The following RLN2 variants were observed in gnomAD, a reference collection of about 807,000 sequenced individuals.
The protein encoded by RLN2 is prorelaxin H2.
In RLN2, 10 loss-of-function variants were observed where a neutral mutation model predicts 7.3. The observed-to-expected ratio is 1.36, with a 90% CI of 0.84 to 2.31. The LOEUF (loss-of-function observed/expected upper bound fraction) is 2.31, where lower values mean the gene tolerates loss of function less well. Among genes scored for constraint, RLN2 ranks in the 30% most tolerant of loss-of-function variants. The pLI is 0.00. For synonymous variants in RLN2, 103 were observed against 82.3 expected, an observed-to-expected ratio of 1.25 and a Z score of -1.36; for missense variants, 298 against 217.6, an observed-to-expected ratio of 1.37 and a Z score of -2.32.
At chr9:5,305,160 CTT>C, upstream of RLN2, among the ~76,000 whole-genome samples, 4 of 151,976 alleles carry the variant, frequency 2.6e-5, no homozygotes, top group East Asian at 5.8e-4. Context: ...AAACTGATGA[CTT>C]TTAATCTGAA....
At chr9:5,317,302 C>T in the RLN2 span, among the ~76,000 whole-genome samples, 7 of 151,690 alleles carry the variant, frequency 4.6e-5, no homozygotes, top group African/African-American at 1.5e-4. Flanking sequence ...GATTCAACTA[C>T]GTGCAGCTTA....
At chr9:5,328,907 T>G in the RLN2 span, among the ~76,000 whole-genome samples, 1 of 152,038 alleles carries the variant, frequency 6.6e-6, no homozygotes. Context: ...CCATCAGGGC[T>G]GCCTTACGAG....
intron 1 of RLN2, among the ~76,000 whole-genome samples, chr9:5,301,053 A>C (rs1382382777): frequency 6.6e-6 from 1 of 152,240 alleles, no homozygotes; most frequent in Non-Finnish European, 1.5e-5. Flanking sequence ...ATTTACTCCA[A>C]AACAATAGTA....
At chr9:5,327,280 C>G in the RLN2 span, among the ~76,000 whole-genome samples, 2 of 152,040 alleles carry the variant, frequency 1.3e-5, no homozygotes, top group Non-Finnish European at 2.9e-5. Flanking sequence ...GCCCAAGGAG[C>G]CTTGCTCACT....
upstream of RLN2, among the ~76,000 whole-genome samples, chr9:5,307,278 TAGATAGATAG>T (rs1563738042): frequency 1.8e-5 from 1 of 56,604 alleles, no homozygotes; most frequent in Non-Finnish European, 3.5e-5. Flanking sequence ...AGAGGATAGA[TAGATAGATAG>T]ATAGATAGAT....
chr9:5,300,665 G>A (rs1816101269), intron 1 of RLN2, among the ~76,000 whole-genome samples: 1 of 152,070 alleles, frequency 6.6e-6, no homozygotes, highest in African/African-American at 2.4e-5. Context: ...TACCCCATTG[G>A]TCCTCTCTCG....
intron 1 of RLN2, chr9:5,303,977 G>A: frequency 6.0e-6 from 1 of 167,988 alleles, no homozygotes; most frequent in East Asian, 1.5e-4. Flanking sequence ...CCCGCTGTCT[G>A]GCCGCCTGGC....
At chr9:5,311,750 G>C in the RLN2 span, 1 of 937,242 alleles carries the variant, frequency 1.1e-6, no homozygotes, top group Non-Finnish European at 1.7e-6. Flanking sequence ...TATACTTCTG[G>C]TGACTGTAGA....
chr9:5,309,623 T>C (rs1255013822), upstream of RLN2, among the ~76,000 whole-genome samples: 1 of 152,102 alleles, frequency 6.6e-6, no homozygotes, highest in African/African-American at 2.4e-5. Context: ...AACTACATGA[T>C]GGATCTTTTG....
At chr9:5,335,917 T>A in the RLN2 span, among the ~76,000 whole-genome samples, 2 of 152,036 alleles carry the variant, frequency 1.3e-5, no homozygotes, top group Non-Finnish European at 2.9e-5. Context: ...GTCATGTAAG[T>A]CATTGGAAAC....
At chr9:5,313,445 A>G in the RLN2 span, among the ~76,000 whole-genome samples, 8 of 151,876 alleles carry the variant, frequency 5.3e-5, no homozygotes, top group Admixed American at 2.6e-4. Flanking sequence ...TTCTATTTCA[A>G]TCTATGTGTA....
the RLN2 span, among the ~76,000 whole-genome samples, chr9:5,327,322 C>G: frequency 1.3e-5 from 2 of 151,998 alleles, no homozygotes; most frequent in Admixed American, 6.6e-5. Context: ...CGACCGGCTA[C>G]GCAGCAGCTT....
the RLN2 span, among the ~76,000 whole-genome samples, chr9:5,326,369 A>T: frequency 6.6e-6 from 1 of 152,106 alleles, no homozygotes; most frequent in African/African-American, 2.4e-5. Context: ...AGGTGGAGCC[A>T]CTGAAGTGGT....
At chr9:5,313,400 G>A in the RLN2 span, among the ~76,000 whole-genome samples, 3 of 151,576 alleles carry the variant, frequency 2.0e-5, no homozygotes, top group Non-Finnish European at 4.4e-5. Flanking sequence ...GATTTCTTTC[G>A]GTTTCCCTTT....
the RLN2 span, among the ~76,000 whole-genome samples, chr9:5,330,372 C>T: frequency 6.6e-6 from 1 of 151,860 alleles, no homozygotes; most frequent in Non-Finnish European, 1.5e-5. Flanking sequence ...GGTGTGGTGG[C>T]TCACGCCTGT....
the RLN2 span, among the ~76,000 whole-genome samples, chr9:5,327,307 G>A: frequency 3.3e-5 from 5 of 152,152 alleles, no homozygotes; most frequent in East Asian, 9.7e-4. Context: ...GCAGCAGTCT[G>A]AGATCGACCG....
At chr9:5,306,964 C>A (rs1816262614), upstream of RLN2, among the ~76,000 whole-genome samples, 1 of 152,018 alleles carries the variant, frequency 6.6e-6, no homozygotes, top group Non-Finnish European at 1.5e-5. Flanking sequence ...GCCTTTATTT[C>A]CTGATTCTAG....
At chr9:5,310,227 G>A in the RLN2 span, among the ~76,000 whole-genome samples, 2 of 151,962 alleles carry the variant, frequency 1.3e-5, no homozygotes, top group African/African-American at 4.8e-5. Flanking sequence ...ACCCTATTTA[G>A]TTCTGGTCTT....
the RLN2 span, among the ~76,000 whole-genome samples, chr9:5,325,484 CA>C: frequency 6.6e-6 from 1 of 151,948 alleles, no homozygotes; most frequent in Non-Finnish European, 1.5e-5. Flanking sequence ...CTTAATAAAG[CA>C]ATAGAGAGAA....
Sources: gnomAD v4.1 joint callset for allele counts (sites outside exome capture counted in the v4.1 genomes callset) on GRCh38, gnomAD v4.1.1 for gene constraint, MANE v1.5 for transcripts, NCBI Gene and HGNC (gene_info 2026-07-23, HGNC 2026-07-21) for gene names.